MYO15A: variants seen among roughly 807,000 people sequenced by gnomAD.
MYO15A encodes the protein myosin XVA.
A neutral mutation model predicts 394.6 loss-of-function variants in MYO15A; 308 were observed. The ratio of observed to expected loss-of-function variants is 0.78; its 90% CI spans 0.71 to 0.86. MYO15A has a LOEUF of 0.86. MYO15A is among the 40% of genes least tolerant of loss of function. MYO15A has a pLI of 0.00. For synonymous variants in MYO15A, 1,957 were observed against 2,003.8 expected (o/e 0.98, Z 0.62); for missense variants, 4,606 against 4,799.1 (o/e 0.96, Z 1.19).
In MYO15A at chr17:18,120,787, C is replaced by A; in HGVS notation, c.1987C>A (p.Pro663Thr). 1 of 1,348,234 alleles carries A rather than the reference C, an allele frequency of 7.4e-7. No individual in the cohort carries two copies. The highest frequency in any genetic ancestry group is 9.5e-7 in the Non-Finnish European group (1 of 1,055,686). The allele number at this position is 1,348,234 out of a possible 1,614,324, so 83.5% of individuals were successfully genotyped here. The change falls in exon 2 of 66, where the codon CCG (proline) becomes ACG (threonine). Residue 663 changes from proline to threonine, a missense_variant. Pro to Thr is a conservative substitution (Grantham distance 38). This residue lies in a region of MYO15A where 1,830 missense variants were observed against 1,689.7 expected (regional missense o/e 1.08). Coordinates refer to ENST00000647165, the MANE Select transcript of MYO15A (RefSeq NM_016239.4). ...TLSHWSALLSPPVPPRPPSSG... is the reference protein window; with the variant it reads ...TLSHWSALLSTPVPPRPPSSG... Reference sequence around the variant, plus strand: ...CTCCCACTGGAGCGCGCTCCTGTCTCCGCCCGTGCCCCCGCGGCCCCCAAG... The same window carrying A: ...CTCCCACTGGAGCGCGCTCCTGTCTACGCCCGTGCCCCCGCGGCCCCCAAG...
chr17:18,131,155 TG>T, intron 8 of MYO15A, 83 bp from the exon 9 acceptor site: 1 of 1,275,646 alleles, frequency 7.8e-7, no homozygotes, highest in Non-Finnish European at 1.1e-6. Context: ...GGCTCATGTC[TG>T]GGTGTCCCCA....
At position 18,147,482 on chromosome 17, in the gene MYO15A, T is replaced by C. The variant is rs149252706; in HGVS notation, c.6510-547T>C. Among the ~76,000 whole-genome samples the C allele has an allele frequency of 3.2e-3, 480 of 152,182 alleles. No individual in the cohort carries two copies. The highest frequency in any genetic ancestry group is 5.4e-3 in the Non-Finnish European group (364 of 68,000). On this transcript the variant is annotated intron_variant, in intron 30 of 65. Transcript: ENST00000647165. The surrounding 1 kb of genome is among the most constrained non-coding windows in gnomAD (Gnocchi z 4.4). ...GTAGGATGTGGGGGTGAGGGAAGCA[T>C]GAGGAATGGCTGGTAGGGATTGGGC...
At chr17:18,176,090 C>T (rs919588063) in intron 65 of MYO15A, among the ~76,000 whole-genome samples, 1 of 152,220 alleles carries the variant, frequency 6.6e-6, no homozygotes, top group African/African-American at 2.4e-5. Context: ...CTCACGATCC[C>T]TGCCCCCATA....
chr17:18,156,846 C>T, intron 48 of MYO15A, 108 bp from the exon 49 acceptor site: 1 of 995,474 alleles, frequency 1.0e-6, no homozygotes, highest in Non-Finnish European at 1.6e-6. Flanking sequence ...CTAATGAAGG[C>T]TCCCTTCCCT....
chr17:18,141,529 T>A, intron 22 of MYO15A, 124 bp from the exon 23 acceptor site: 1 of 925,328 alleles, frequency 1.1e-6, no homozygotes, highest in East Asian at 2.4e-5. Flanking sequence ...TAGAATAAAC[T>A]ATTTGTGGAG....
intron 3 of MYO15A, chr17:18,124,779 T>C (rs2046002587): frequency 1.7e-6 from 1 of 604,546 alleles, no homozygotes; most frequent in South Asian, 2.0e-5. Flanking sequence ...CTGGCAGACG[T>C]TGCACAAATC....
At chr17:18,154,455 G>C (rs1330884568) in intron 44 of MYO15A, among the ~76,000 whole-genome samples, 2 of 152,310 alleles carry the variant, frequency 1.3e-5, no homozygotes, top group East Asian at 3.9e-4. Context: ...CCTATATAGA[G>C]TAGGAAACGG....
chr17:18,113,898 G>A (rs2045753763), intron 1 of MYO15A, among the ~76,000 whole-genome samples: 1 of 151,472 alleles, frequency 6.6e-6, no homozygotes, highest in East Asian at 2.0e-4. Flanking sequence ...TCTGCAGCCT[G>A]CTTCCTGCAC....
At chr17:18,133,138 C>T in intron 11 of MYO15A, 87 bp from the exon 12 acceptor site, 1 of 1,424,388 alleles carries the variant, frequency 7.0e-7, no homozygotes, top group South Asian at 1.2e-5. Context: ...CTCAGGCCAC[C>T]ACACTACTGG....
chr17:18,155,651 C>G (rs556685672), intron 47 of MYO15A, among the ~76,000 whole-genome samples: 2 of 152,294 alleles, frequency 1.3e-5, no homozygotes, highest in South Asian at 4.2e-4. Context: ...GAGCTAGGCA[C>G]CCACTCCCCT....
At chr17:18,112,431 C>T (rs2045733632) in intron 1 of MYO15A, among the ~76,000 whole-genome samples, 1 of 151,974 alleles carries the variant, frequency 6.6e-6, no homozygotes, top group Admixed American at 6.6e-5. Flanking sequence ...GGTCTCGCAC[C>T]GTCACACAGG....
chr17:18,122,094 G>GC lies in MYO15A; in HGVS notation c.3298dup (p.Leu1100ProfsTer6), dbSNP rs1339023052. 1.2e-6 allele frequency: 2 copies of GC among 1,612,720 alleles called. No homozygotes were observed. Among genetic ancestry groups the GC allele is most frequent in the Non-Finnish European group, 1.7e-6 (2 of 1,179,962 alleles). Reference sequence around the variant, plus strand: ...CCTTGGCGCCCATCAGGGCCCCAGAGCCCCTGCCCAAGGGGGGTGAACGGC... The same window carrying GC: ...CCTTGGCGCCCATCAGGGCCCCAGAGCCCCCTGCCCAAGGGGGGTGAACGGC... On this transcript the variant is annotated frameshift_variant, in exon 2 of 66. Transcript: ENST00000647165. LOFTEE classifies it high-confidence loss of function.
intron 1 of MYO15A, among the ~76,000 whole-genome samples, chr17:18,111,341 GAAAAAAAAAAA>G (rs57095827): frequency 1.7e-5 from 2 of 119,002 alleles, no homozygotes; most frequent in African/African-American, 3.1e-5. Flanking sequence ...TCTCAAAAGA[GAAAAAAAAAAA>G]AAAAAAAAAA....
intron 47 of MYO15A, 149 bp downstream of exon 47, chr17:18,155,581 G>T: frequency 1.3e-6 from 1 of 780,288 alleles, no homozygotes; most frequent in Non-Finnish European, 2.1e-6. Context: ...TTAGAGCTGG[G>T]GAAACTGAGG....
rs750700068 is a variant in MYO15A at position 18,161,417 on chromosome 17, G to A, written c.9487G>A (p.Val3163Met). ...HPHLTRFLQD[V>M]SRTPGLPFQG... is the part of the protein sequence containing the mutation. ...ACACCTCACTCGCTTCCTCCAAGAC[G>A]TGAGCCGGACCCCAGGCCTGCCCTT... is the stretch of plus-strand genomic sequence containing the variant. Residue 3163 changes from valine to methionine, a missense_variant, in exon 57 of 66, where the codon GTG becomes ATG. Physicochemically the swap from Val to Met is conservative, Grantham distance 21. This residue lies in a region of MYO15A where 2,776 missense variants were observed against 3,109.3 expected (regional missense o/e 0.89). Coordinates refer to ENST00000647165, the MANE Select transcript of MYO15A (RefSeq NM_016239.4). The A allele has an allele frequency of 4.3e-6, 7 of 1,614,036 alleles. No homozygotes were observed. Among genetic ancestry groups the A allele is most frequent in the Admixed American group, 1.7e-5 (1 of 60,028 alleles).
intron 61 of MYO15A, 87 bp from the exon 62 acceptor site, chr17:18,167,503 T>A: frequency 6.3e-7 from 1 of 1,587,934 alleles, no homozygotes; most frequent in Non-Finnish European, 8.5e-7. Flanking sequence ...GCTGCAATCA[T>A]TAAACATGCA....
At position 18,120,678 on chromosome 17, in the gene MYO15A, C is replaced by T. The variant is rs761256749; in HGVS notation, c.1878C>T (p.Ile626=). 8 of 1,578,396 alleles carry T rather than the reference C, an allele frequency of 5.1e-6. No homozygotes were observed. Among genetic ancestry groups the T allele is most frequent in the Admixed American group, 1.8e-5 (1 of 57,050 alleles). The change falls in exon 2 of 66, where the codon ATC becomes ATT. Residue 626 remains isoleucine (I), a synonymous_variant. Coordinates refer to ENST00000647165, the MANE Select transcript of MYO15A (RefSeq NM_016239.4). ...GMDPEKPGTP[I]VLRRAQPRAR... ...ACCCCGAGAAGCCCGGCACGCCCAT[C>T]GTGCTGAGGAGGGCCCAGCCACGCG...
Position 18,136,401 on chromosome 17 carries a change from C to T in MYO15A, c.4597-16C>T, listed in dbSNP as rs770386455. On this transcript the variant is annotated splice_polypyrimidine_tract_variant and intron_variant, in intron 13 of 65. Coordinates refer to ENST00000647165, the MANE Select transcript of MYO15A (RefSeq NM_016239.4). ...TGGCCAGCCTGATGTCACTCAAGGG[C>T]TGTGCCCGTCCCTAGGAGACAATGC... The T allele has an allele frequency of 1.2e-6, 2 of 1,613,574 alleles. No homozygotes were observed. Among genetic ancestry groups the T allele is most frequent in the South Asian group, 2.2e-5 (2 of 91,084 alleles).
rs370393587 is a variant in MYO15A, at chr17:18,150,675, T to C, written c.7328-23T>C. 7 of 1,590,530 alleles carry C rather than the reference T, an allele frequency of 4.4e-6. No individual in the cohort carries two copies. In the African/African-American group the frequency reaches 6.7e-5, roughly 15 times the overall value. On this transcript the variant is annotated intron_variant, in intron 36 of 65. Transcript: ENST00000647165. The surrounding 1 kb of genome is among the most constrained non-coding windows in gnomAD (Gnocchi z 4.4). ...AGGAGGGCATCTCCGGTGCCATCTG[T>C]GCCTTCTGCCCCCTCCCCTCAGTCC...
Sources: allele counts gnomAD v4.1 joint callset (sites outside exome capture counted in the v4.1 genomes callset), GRCh38; gene constraint gnomAD v4.1.1; regional missense constraint gnomAD v4.1.1; non-coding constraint Gnocchi (gnomAD v3.1); transcripts MANE v1.5; gene names NCBI Gene and HGNC (gene_info 2026-07-23, HGNC 2026-07-21).